IGSF10: variants seen among roughly 807,000 people sequenced by gnomAD.
The protein encoded by IGSF10 is calvaria mechanical force protein 608.
Under a neutral mutation model 128.2 loss-of-function variants are expected in IGSF10, and 126 were observed. The ratio of observed to expected loss-of-function variants is 0.98; its 90% CI spans 0.85 to 1.14. IGSF10 has a LOEUF of 1.14. Among genes scored for constraint, IGSF10 ranks in the 50% most tolerant of loss-of-function variants. The pLI, the probability that IGSF10 is intolerant of heterozygous loss-of-function variation, is 0.00. For missense variants in IGSF10, 3,295 were observed against 3,149.8 expected, an observed-to-expected ratio of 1.05 and a Z score of -1.10; for synonymous variants, 1,185 against 1,146.2, an observed-to-expected ratio of 1.03 and a Z score of -0.68.
At chr3:151,574,675 G>T in the IGSF10 span, among the ~76,000 whole-genome samples, 256 of 152,196 alleles carry the variant, frequency 1.7e-3, 1 homozygote, top group African/African-American at 5.6e-3. Flanking sequence ...TCCTCCTTTA[G>T]CTCAGAGAAG....
At chr3:151,467,817 G>A in the IGSF10 span, among the ~76,000 whole-genome samples, 1 of 151,502 alleles carries the variant, frequency 6.6e-6, no homozygotes, top group African/African-American at 2.4e-5. Context: ...CCCGGGGTCA[G>A]AGCCTGCAGT....
the IGSF10 span, among the ~76,000 whole-genome samples, chr3:151,617,338 T>TCCTC: frequency 8.0e-6 from 1 of 125,258 alleles, no homozygotes; most frequent in African/African-American, 3.0e-5. Flanking sequence ...CTCCTCCCCC[T>TCCTC]CCTCCTCCTC....
the IGSF10 span, among the ~76,000 whole-genome samples, chr3:151,583,984 TA>T: frequency 6.6e-6 from 1 of 152,206 alleles, no homozygotes; most frequent in Non-Finnish European, 1.5e-5. Context: ...TTGTGTTACT[TA>T]GATTATAAAT....
At chr3:151,563,720 C>A in the IGSF10 span, among the ~76,000 whole-genome samples, 1 of 152,068 alleles carries the variant, frequency 6.6e-6, no homozygotes, top group Non-Finnish European at 1.5e-5. Context: ...AAATATTAGC[C>A]TGCCTTATGA....
rs759061135 is a variant in IGSF10 at position 151,443,383 on chromosome 3, G to A, written c.5564C>T (p.Thr1855Ile). The A allele has an allele frequency of 6.2e-7, 1 of 1,614,228 alleles. No individual in the cohort carries two copies. The highest frequency in any genetic ancestry group is 8.5e-7 in the Non-Finnish European group (1 of 1,180,044). ...GGGCAGTTTTAAACTTTCACCCCAA[G>A]TGCCTACAATGACTTGCCTCCTTTG... is the stretch of plus-strand genomic sequence containing the variant. ...LEQRRQVIVG[T>I]WGESLKLPCT... The change falls in exon 7 of 8, where the codon ACT becomes ATT. Residue 1855 changes from threonine to isoleucine, a missense_variant. Coordinates refer to ENST00000282466, the MANE Select transcript of IGSF10 (RefSeq NM_178822.5).
the IGSF10 span, among the ~76,000 whole-genome samples, chr3:151,475,163 A>G: frequency 6.6e-6 from 1 of 152,252 alleles, no homozygotes; most frequent in East Asian, 1.9e-4. Flanking sequence ...CAAATGGGTC[A>G]GCAAGAACAT....
intron 4 of IGSF10, 129 bp downstream of exon 4, chr3:151,456,897 C>T: frequency 1.1e-6 from 1 of 889,188 alleles, no homozygotes; most frequent in East Asian, 2.5e-5. Flanking sequence ...TAACATTCTC[C>T]ATTGACGTCT....
chr3:151,534,501 T>G, the IGSF10 span, among the ~76,000 whole-genome samples: 39 of 152,228 alleles, frequency 2.6e-4, no homozygotes, highest in African/African-American at 9.4e-4. Flanking sequence ...CATGTCCTTT[T>G]CCGGGACATG....
the IGSF10 span, among the ~76,000 whole-genome samples, chr3:151,512,829 C>T: frequency 2.0e-5 from 3 of 152,024 alleles, no homozygotes; most frequent in South Asian, 2.1e-4. Flanking sequence ...GAGAATACTA[C>T]AAACACCTCT....
the IGSF10 span, among the ~76,000 whole-genome samples, chr3:151,533,517 G>A: frequency 1.4e-4 from 22 of 152,124 alleles, no homozygotes; most frequent in Admixed American, 1.2e-3. Flanking sequence ...ACAACCATCT[G>A]ATCTTTGACA....
the IGSF10 span, among the ~76,000 whole-genome samples, chr3:151,530,081 C>T: frequency 1.2e-3 from 187 of 151,104 alleles, no homozygotes; most frequent in Middle Eastern, 3.4e-3. Context: ...TATCAATAGC[C>T]GAATTGATCA....
the IGSF10 span, among the ~76,000 whole-genome samples, chr3:151,507,949 GAT>G: frequency 0.35 from 52,927 of 151,872 alleles, 9,678 homozygotes; most frequent in Middle Eastern, 0.47. Context: ...TTTAGATCTA[GAT>G]CTATCAATAA....
the IGSF10 span, among the ~76,000 whole-genome samples, chr3:151,520,467 T>C: frequency 5.1e-4 from 77 of 151,798 alleles, no homozygotes; most frequent in Non-Finnish European, 9.5e-4. Flanking sequence ...GTATTCTGAT[T>C]AAAAACCATA....
At chr3:151,580,702 C>T in the IGSF10 span, among the ~76,000 whole-genome samples, 1 of 152,132 alleles carries the variant, frequency 6.6e-6, no homozygotes, top group South Asian at 2.1e-4. Context: ...TATAAGGGAG[C>T]TTACTGTGTG....
intron 7 of IGSF10, among the ~76,000 whole-genome samples, chr3:151,441,620 CAG>C (rs375095734): frequency 1.3e-3 from 195 of 152,050 alleles, no homozygotes; most frequent in African/African-American, 3.8e-3. Flanking sequence ...AATGAATAAA[CAG>C]ATATATAAGA....
At chr3:151,511,222 G>C in the IGSF10 span, among the ~76,000 whole-genome samples, 1 of 152,110 alleles carries the variant, frequency 6.6e-6, no homozygotes, top group Non-Finnish European at 1.5e-5. Flanking sequence ...GAGAAAGGTC[G>C]GGTTACCCAC....
At chr3:151,460,407 A>G in intron 1 of IGSF10, 60 bp from the exon 2 acceptor site, 1 of 501,690 alleles carries the variant, frequency 2.0e-6, no homozygotes, top group Non-Finnish European at 2.6e-6. Flanking sequence ...TTTTTGGCTT[A>G]CAGCCAGGAG....
chr3:151,538,527 T>C, the IGSF10 span, among the ~76,000 whole-genome samples: 2 of 152,108 alleles, frequency 1.3e-5, no homozygotes, highest in Admixed American at 1.3e-4. Flanking sequence ...GAAATGTAAG[T>C]CTTCGGATTA....
chr3:151,455,814 G>C (rs761728663), intron 4 of IGSF10, among the ~76,000 whole-genome samples: 3 of 152,066 alleles, frequency 2.0e-5, no homozygotes, highest in Admixed American at 1.3e-4. Flanking sequence ...ATAGTGCTCA[G>C]GTATTCTCCA....
Sources: gnomAD v4.1 joint callset for allele counts (sites outside exome capture counted in the v4.1 genomes callset) on GRCh38, gnomAD v4.1.1 for gene constraint, MANE v1.5 for transcripts, NCBI Gene and HGNC (gene_info 2026-07-23, HGNC 2026-07-21) for gene names.